The following SMARCA5 variants were observed in gnomAD, a reference collection of about 807,000 sequenced individuals.
The protein encoded by SMARCA5 is SNF2 related chromatin remodeling ATPase 5.
SMARCA5 carries 18 observed loss-of-function variants against 140.4 expected under a neutral mutation model. That is an observed-to-expected ratio of 0.13 (90% CI 0.09 to 0.19). The LOEUF is 0.19. SMARCA5 is among the 10% of genes least tolerant of loss of function. SMARCA5 has a pLI of 1.00. For synonymous variants in SMARCA5, 449 were observed against 419.6 expected (o/e 1.07, Z -0.86); for missense variants, 606 against 1,276.8 (o/e 0.47, Z 8.01).
At chr4:143,537,277 C>T (rs373153949) in intron 11 of SMARCA5, among the ~76,000 whole-genome samples, 6 of 152,120 alleles carry the variant, frequency 3.9e-5, no homozygotes, top group Admixed American at 1.3e-4. Context: ...TCGAAGCAAA[C>T]GCCAGACACT....
At chr4:143,525,257 G>C (rs1737045823) in intron 4 of SMARCA5, among the ~76,000 whole-genome samples, 194 bp from the exon 5 acceptor site, 1 of 152,142 alleles carries the variant, frequency 6.6e-6, no homozygotes, top group Non-Finnish European at 1.5e-5. Context: ...TCCCGCACTT[G>C]ATTATCTTCC....
chr4:143,513,799 A>C lies in SMARCA5; in HGVS notation c.-126A>C. 1.8e-6 allele frequency: 2 copies of C among 1,103,052 alleles called. No homozygotes were observed. Among genetic ancestry groups the C allele is most frequent in the Non-Finnish European group, 1.3e-6 (1 of 787,322 alleles). 68.3% of individuals were successfully genotyped at this position (1,103,052 alleles called of 1,614,324 possible). A position where few individuals can be genotyped will look rare whatever the true frequency, so the allele number is the denominator to read the frequency against. ...CCGTCGCGGAGGCGCGGCGCAGGGG[A>C]GCGCTCGGGTGGGAGTCTCGCTCCT... On this transcript the variant is annotated 5_prime_UTR_variant, in exon 1 of 24. Transcript: ENST00000283131.
At chr4:143,526,254 C>T in intron 5 of SMARCA5, 27 bp from the exon 6 acceptor site, 1 of 1,585,908 alleles carries the variant, frequency 6.3e-7, no homozygotes. Flanking sequence ...TTTTTCACTG[C>T]TTCATGGTTA....
chr4:143,538,747 C>G, intron 12 of SMARCA5, 36 bp downstream of exon 12: 1 of 1,613,200 alleles, frequency 6.2e-7, no homozygotes, highest in Non-Finnish European at 8.5e-7. Flanking sequence ...AAAAAAGAAT[C>G]AGATAAATTT....
chr4:143,520,558 T>C (rs1038141117), intron 2 of SMARCA5, among the ~76,000 whole-genome samples: 1 of 152,362 alleles, frequency 6.6e-6, no homozygotes, highest in African/African-American at 2.4e-5. Context: ...TACAACATTA[T>C]GGCATTTGGA....
chr4:143,526,529 T>G, intron 6 of SMARCA5, 69 bp downstream of exon 6: 141 of 975,586 alleles, frequency 1.4e-4, no homozygotes, highest in Non-Finnish European at 2.0e-4. Flanking sequence ...GGTATGGGTA[T>G]AGCTGGAAGA....
Position 143,528,444 on chromosome 4 carries a change from A to G in SMARCA5, c.958-139A>G, listed in dbSNP as rs545234017. 10 of 636,598 alleles carry G rather than the reference A, an allele frequency of 1.6e-5. No homozygotes were observed. The East Asian group carries it at 2.3e-4, about 15-fold the overall frequency. The allele number at this position is 636,598 out of a possible 1,614,324, so 39.4% of individuals were successfully genotyped here. ...TCATTCTCTTTTATGGCTGCGTACT[A>G]TTCGCTGATGTATATGTGCCATATT... On this transcript the variant is annotated intron_variant, in intron 7 of 23. Coordinates refer to ENST00000283131, the MANE Select transcript of SMARCA5 (RefSeq NM_003601.4).
At chr4:143,547,841 A>AT (rs1578805588) in intron 21 of SMARCA5, 87 bp from the exon 22 acceptor site, 1 of 773,376 alleles carries the variant, frequency 1.3e-6, no homozygotes, top group Non-Finnish European at 2.0e-6. Context: ...GAAATGCAAC[A>AT]TTTTAGCTAA....
chr4:143,550,244 T>G, intron 23 of SMARCA5, 140 bp downstream of exon 23: 1 of 386,940 alleles, frequency 2.6e-6, no homozygotes, highest in Admixed American at 4.7e-5. Context: ...TTTTTTTTTT[T>G]TCCTTAAGGG....
At chr4:143,520,069 T>A (rs182245326) in intron 2 of SMARCA5, among the ~76,000 whole-genome samples, 61 of 152,314 alleles carry the variant, frequency 4.0e-4, no homozygotes, top group African/African-American at 1.4e-3. Flanking sequence ...TTCCTAATCA[T>A]ACTCTCTTGT....
chr4:143,520,401 T>G (rs1736931988), intron 2 of SMARCA5, among the ~76,000 whole-genome samples: 1 of 152,216 alleles, frequency 6.6e-6, no homozygotes. Flanking sequence ...CTTGTTACTG[T>G]GCAGATTCAT....
intron 11 of SMARCA5, 33 bp downstream of exon 11, chr4:143,536,711 G>C: frequency 6.9e-7 from 1 of 1,446,358 alleles, no homozygotes; most frequent in Non-Finnish European, 9.7e-7. Flanking sequence ...TATCAAAACT[G>C]TTTTAAAATG....
At chr4:143,516,427 G>A (rs1370208942) in intron 1 of SMARCA5, among the ~76,000 whole-genome samples, 2 of 152,090 alleles carry the variant, frequency 1.3e-5, no homozygotes, top group Non-Finnish European at 2.9e-5. Flanking sequence ...GTGATGTCAA[G>A]ATGCCTGAAG....
chr4:143,541,801 G>A (rs1441086253), intron 14 of SMARCA5, among the ~76,000 whole-genome samples: 1 of 151,894 alleles, frequency 6.6e-6, no homozygotes, highest in Non-Finnish European at 1.5e-5. Context: ...ACACATCCAT[G>A]TGTTTTGAAA....
intron 11 of SMARCA5, 40 bp downstream of exon 11, chr4:143,536,718 A>C (rs1737312233): frequency 2.2e-6 from 3 of 1,390,318 alleles, no homozygotes; most frequent in Non-Finnish European, 1.0e-6. Context: ...ACTGTTTTAA[A>C]ATGCTCATGT....
intron 11 of SMARCA5, among the ~76,000 whole-genome samples, chr4:143,536,885 A>T (rs1405317402): frequency 6.6e-6 from 1 of 152,194 alleles, no homozygotes. Context: ...AGTTAGAGCA[A>T]CCATACTCCC....
Position 143,556,525 on chromosome 4 carries a change from A to G in SMARCA5, c.*3341A>G, listed in dbSNP as rs968165130. 2.6e-5 allele frequency: 4 copies of G among 152,234 alleles called. No individual in the cohort carries two copies. The allele number at this position is 152,234 out of a possible 1,614,324, so 9.4% of individuals were successfully genotyped here. A position where few individuals can be genotyped will look rare whatever the true frequency, so the allele number is the denominator to read the frequency against. On this transcript the variant is annotated 3_prime_UTR_variant, in exon 24 of 24. Transcript: ENST00000283131. ...AAGGAGGGTAATTTAAACAAAGTAG[A>G]TTAATGACACAAGGTGGATTGATGA...
At chr4:143,528,363 G>A (rs1737116852) in intron 7 of SMARCA5, among the ~76,000 whole-genome samples, 2 of 152,158 alleles carry the variant, frequency 1.3e-5, no homozygotes, top group Admixed American at 6.5e-5. Flanking sequence ...TCCTGTGTTA[G>A]TTTACTGAGA....
chr4:143,555,471 AT>A lies in SMARCA5; in HGVS notation c.*2289del. ...GTTTCTGTTCTGTGGAAAGTAAAGCATTCCAACACAGGGTTTCAGTGTAGAT... is the reference window on the plus strand; with the variant it reads ...GTTTCTGTTCTGTGGAAAGTAAAGCATCCAACACAGGGTTTCAGTGTAGAT... On this transcript the variant is annotated 3_prime_UTR_variant, in exon 24 of 24. Coordinates refer to ENST00000283131, the MANE Select transcript of SMARCA5 (RefSeq NM_003601.4). 1 of 520,656 alleles carries A rather than the reference AT, an allele frequency of 1.9e-6. No individual in the cohort carries two copies. The highest frequency in any genetic ancestry group is 1.9e-5 in the South Asian group (1 of 52,494). 32.3% of individuals were successfully genotyped at this position (520,656 alleles called of 1,614,324 possible).
Sources: gnomAD v4.1 joint callset for allele counts (sites outside exome capture counted in the v4.1 genomes callset) on GRCh38, gnomAD v4.1.1 for gene constraint, MANE v1.5 for transcripts, NCBI Gene and HGNC (gene_info 2026-07-23, HGNC 2026-07-21) for gene names.